The following MAP4K3 variants were observed in gnomAD, a reference collection of about 807,000 sequenced individuals.
The protein encoded by MAP4K3 is mitogen-activated protein kinase kinase kinase kinase 3.
MAP4K3 carries 94 observed loss-of-function variants against 143.5 expected under a neutral mutation model. The ratio of observed to expected loss-of-function variants is 0.65; its 90% CI spans 0.55 to 0.78. The LOEUF is 0.78. Among genes scored for constraint, MAP4K3 ranks in the 30% least tolerant of loss-of-function variants. The probability of loss-of-function intolerance (pLI) is 0.00; values close to 1 mark genes in which losing one functional copy is unlikely to be tolerated. For missense variants in MAP4K3, 1,077 were observed against 1,068.1 expected, an observed-to-expected ratio of 1.01 and a Z score of -0.12; for synonymous variants, 416 against 347.2, an observed-to-expected ratio of 1.20 and a Z score of -2.20.
intron 3 of MAP4K3, among the ~76,000 whole-genome samples, chr2:39,350,917 G>T (rs1194492633): frequency 6.6e-6 from 1 of 151,840 alleles, no homozygotes; most frequent in Non-Finnish European, 1.5e-5. Flanking sequence ...ACCAATCGCA[G>T]GTTCACCTAA....
intron 28 of MAP4K3, among the ~76,000 whole-genome samples, chr2:39,262,705 T>G (rs1340326424): frequency 6.6e-6 from 1 of 152,198 alleles, no homozygotes; most frequent in East Asian, 1.9e-4. Flanking sequence ...AGCAATTGTA[T>G]CTAATGTATT....
At chr2:39,317,475 A>G (rs185668688) in intron 12 of MAP4K3, among the ~76,000 whole-genome samples, 172 of 152,278 alleles carry the variant, frequency 1.1e-3, no homozygotes, top group African/African-American at 4.1e-3. Flanking sequence ...GTAAACAGAC[A>G]ACCCACAGAA....
At chr2:39,347,150 C>T (rs11124678) in intron 3 of MAP4K3, among the ~76,000 whole-genome samples, 109,134 of 152,110 alleles carry the variant, frequency 0.72, 43,637 homozygotes, top group Non-Finnish European at 0.89. Context: ...GTGAAAATGA[C>T]GTCATCCCTG....
intron 19 of MAP4K3, 100 bp from the exon 20 acceptor site, chr2:39,288,380 TAC>T (rs1681889244): frequency 9.7e-7 from 1 of 1,031,106 alleles, no homozygotes; most frequent in Non-Finnish European, 1.4e-6. Flanking sequence ...ATTTCTACTA[TAC>T]ATTAGAGGTT....
At chr2:39,275,908 C>T (rs1348206646) in intron 24 of MAP4K3, among the ~76,000 whole-genome samples, 2 of 151,912 alleles carry the variant, frequency 1.3e-5, no homozygotes, top group African/African-American at 4.8e-5. Context: ...AGTCTCACTC[C>T]GTTGCCCAGG....
In MAP4K3 at chr2:39,254,434, G is replaced by C; in HGVS notation, c.2541+16C>G. 1 of 1,599,348 alleles carries C rather than the reference G, an allele frequency of 6.3e-7. No homozygotes were observed. The highest frequency in any genetic ancestry group is 8.6e-7 in the Non-Finnish European group (1 of 1,167,078). Reference sequence around the variant, plus strand: ...GATAATGTCTTGTGACTACTTAATGGACATAATTTACTTACCTCATTAGAT... The same window carrying C: ...GATAATGTCTTGTGACTACTTAATGCACATAATTTACTTACCTCATTAGAT... On this transcript the variant is annotated intron_variant, in intron 32 of 33. Transcript: ENST00000263881.
In MAP4K3 at chr2:39,264,278, C is replaced by T. The variant is rs996281581; in HGVS notation, c.2136+925G>A. ...TTTAGACAACTTATAAGGCTATTTT[C>T]CCCTGAGCTTTCAGTTTAAATAATT... On this transcript the variant is annotated intron_variant, in intron 28 of 33. Transcript: ENST00000263881. Among the ~76,000 whole-genome samples the T allele has an allele frequency of 5.3e-5, 8 of 152,298 alleles. No homozygotes were observed. In the East Asian group the frequency reaches 1.5e-3, roughly 29 times the overall value.
At chr2:39,259,341 A>G (rs1680470453) in intron 29 of MAP4K3, among the ~76,000 whole-genome samples, 1 of 152,180 alleles carries the variant, frequency 6.6e-6, no homozygotes, top group South Asian at 2.1e-4. Flanking sequence ...GGGCTCAGAA[A>G]TGTCACAAGT....
chr2:39,391,358 C>CAAAAAAAAAAAAAAAAAAA, intron 1 of MAP4K3, among the ~76,000 whole-genome samples: 1 of 45,432 alleles, frequency 2.2e-5, no homozygotes, highest in Non-Finnish European at 3.8e-5. Flanking sequence ...GACTCCATCT[C>CAAAAAAAAAAAAAAAAAAA]AAAAAAAAAA....
At chr2:39,377,565 C>T (rs557440481) in intron 2 of MAP4K3, among the ~76,000 whole-genome samples, 2 of 152,140 alleles carry the variant, frequency 1.3e-5, no homozygotes, top group South Asian at 4.2e-4. Flanking sequence ...ATAAGCTGCT[C>T]AATTTGGTAG....
intron 28 of MAP4K3, among the ~76,000 whole-genome samples, chr2:39,264,102 T>C (rs999656770): frequency 2.0e-5 from 3 of 152,136 alleles, no homozygotes; most frequent in Non-Finnish European, 2.9e-5. Context: ...AGGAAAAAGA[T>C]AGGAAAGGAA....
intron 3 of MAP4K3, among the ~76,000 whole-genome samples, chr2:39,355,528 T>TC (rs759022627): frequency 6.7e-4 from 101 of 151,826 alleles, no homozygotes; most frequent in Non-Finnish European, 2.4e-4. Context: ...TGAGACTCTG[T>TC]CCCGCCCCCA....
At chr2:39,420,638 C>T (rs376799201) in intron 1 of MAP4K3, among the ~76,000 whole-genome samples, 2 of 151,778 alleles carry the variant, frequency 1.3e-5, no homozygotes, top group Admixed American at 1.3e-4. Context: ...GTCTCGAACT[C>T]CTGGCCTCAA....
chr2:39,249,650 T>C lies in MAP4K3; in HGVS notation c.*968A>G, dbSNP rs1348453327. The stretch of plus-strand genomic sequence containing the variant: ...AAAATAAGGCCAACAAAAGTAAAAA[T>C]TCCAAGAGAAATTTGAACCACTTCA... On this transcript the variant is annotated 3_prime_UTR_variant, in exon 34 of 34. Transcript: ENST00000263881. 1 of 152,524 alleles carries C rather than the reference T, an allele frequency of 6.6e-6. No homozygotes were observed. The highest frequency in any genetic ancestry group is 1.5e-5 in the Non-Finnish European group (1 of 68,004). 9.4% of individuals were successfully genotyped at this position (152,524 alleles called of 1,614,324 possible).
chr2:39,391,725 G>A (rs1012999791), intron 1 of MAP4K3, among the ~76,000 whole-genome samples: 41 of 152,108 alleles, frequency 2.7e-4, no homozygotes, highest in African/African-American at 9.7e-4. Context: ...AACAGCTTGG[G>A]GGAATGAAGG....
At position 39,315,349 on chromosome 2, in the gene MAP4K3, T is replaced by C; in HGVS notation, c.958A>G (p.Arg320Gly). The change falls in exon 13 of 34, where the codon AGA (arginine) becomes GGA (glycine). Residue 320 changes from arginine (R) to glycine (G), a missense_variant. Coordinates refer to ENST00000263881, the MANE Select transcript of MAP4K3 (RefSeq NM_003618.4). ...CGTGTTTTTTCTTCTCTCACGTTTC[T>C]ACTTGTTGAGTGAATTCTATGTGGT... ...AVPHRIHSTS[R>G]NVREEKTRSE... The C allele has an allele frequency of 1.9e-6, 3 of 1,612,804 alleles. No individual in the cohort carries two copies. The highest frequency in any genetic ancestry group is 1.7e-4 in the Middle Eastern group (1 of 6,054).
intron 12 of MAP4K3, among the ~76,000 whole-genome samples, chr2:39,317,252 A>G (rs1423324215): frequency 6.6e-6 from 1 of 152,210 alleles, no homozygotes; most frequent in Non-Finnish European, 1.5e-5. Flanking sequence ...ACAATATACA[A>G]AAATCAACTC....
At chr2:39,405,722 G>A (rs1667076290) in intron 1 of MAP4K3, among the ~76,000 whole-genome samples, 1 of 152,078 alleles carries the variant, frequency 6.6e-6, no homozygotes, top group African/African-American at 2.4e-5. Context: ...ACAAACATTA[G>A]CCAGCTGCAG....
At chr2:39,368,287 T>C (rs1017844501) in intron 2 of MAP4K3, among the ~76,000 whole-genome samples, 1 of 152,142 alleles carries the variant, frequency 6.6e-6, no homozygotes, top group Non-Finnish European at 1.5e-5. Context: ...GAGCACGGTG[T>C]AGATTTTAAG....
Sources: gnomAD v4.1 joint callset for allele counts (sites outside exome capture counted in the v4.1 genomes callset) on GRCh38, gnomAD v4.1.1 for gene constraint, MANE v1.5 for transcripts, NCBI Gene and HGNC (gene_info 2026-07-23, HGNC 2026-07-21) for gene names.